Variants in GFOD2 observed in about 807,000 individuals in gnomAD.
GFOD2 encodes the protein glucose-fructose oxidoreductase domain-containing protein 2.
In GFOD2, 9 loss-of-function variants were observed where a neutral mutation model predicts 24.6. That is an observed-to-expected ratio of 0.37 (90% CI 0.22 to 0.64). The LOEUF is 0.64. Among genes scored for constraint, GFOD2 ranks in the 30% least tolerant of loss-of-function variants. The probability of loss-of-function intolerance (pLI) is 0.65; values close to 1 mark genes in which losing one functional copy is unlikely to be tolerated. For synonymous variants in GFOD2, 211 were observed against 224.8 expected (o/e 0.94, Z 0.55); for missense variants, 476 against 532.5 (o/e 0.89, Z 1.04).
chr16:67,713,708 T>C (rs573163090), intron 1 of GFOD2, among the ~76,000 whole-genome samples: 4 of 152,198 alleles, frequency 2.6e-5, no homozygotes, highest in Admixed American at 2.6e-4. Context: ...GGAGCTTTCA[T>C]GCCCTCCCTG....
chr16:67,692,356 C>T (rs991007485), intron 1 of GFOD2, among the ~76,000 whole-genome samples: 6 of 151,744 alleles, frequency 4.0e-5, no homozygotes, highest in Non-Finnish European at 7.4e-5. Flanking sequence ...CAGAGGTGGG[C>T]GGATCACCTG....
rs368691391 is a variant in GFOD2 at position 67,700,430 on chromosome 16, G to A, written c.-87-14628C>T. Among the ~76,000 whole-genome samples, 92 of 151,704 alleles carry A rather than the reference G, an allele frequency of 6.1e-4. 1 individual carries two copies. The highest frequency in any genetic ancestry group is 2.7e-3 in the Admixed American group (41 of 15,186). On this transcript the variant is annotated intron_variant, in intron 1 of 2. Coordinates refer to ENST00000268797, the MANE Select transcript of GFOD2 (RefSeq NM_030819.4). ...ATAAAATCAATTACTATAACTTACC[G>A]TATCAGTAGTCATTAGACAGCATTA...
At chr16:67,714,499 G>A (rs904636552) in intron 1 of GFOD2, among the ~76,000 whole-genome samples, 3 of 148,472 alleles carry the variant, frequency 2.0e-5, no homozygotes, top group African/African-American at 7.4e-5. Flanking sequence ...AAAAAATTAC[G>A]ATCCAGAAAT....
chr16:67,686,144 G>A (rs543301041), intron 1 of GFOD2, among the ~76,000 whole-genome samples: 1 of 152,166 alleles, frequency 6.6e-6, no homozygotes, highest in Admixed American at 6.5e-5. Flanking sequence ...AGCCAGATGT[G>A]GTGGCATGCG....
At chr16:67,688,870 G>A (rs561158156) in intron 1 of GFOD2, among the ~76,000 whole-genome samples, 1 of 151,094 alleles carries the variant, frequency 6.6e-6, no homozygotes, top group Non-Finnish European at 1.5e-5. Context: ...AAGTAGCTGG[G>A]ACTACAGACG....
At chr16:67,683,327 A>G in intron 2 of GFOD2, 2 of 1,217,488 alleles carry the variant, frequency 1.6e-6, no homozygotes, top group Non-Finnish European at 2.0e-6. Context: ...GAACCCTAAA[A>G]TTCAGGAAGA....
chr16:67,686,379 A>G (rs549676382), intron 1 of GFOD2, among the ~76,000 whole-genome samples: 2 of 152,266 alleles, frequency 1.3e-5, no homozygotes, highest in East Asian at 3.9e-4. Flanking sequence ...AAAATGAATA[A>G]AGTTGAGTTT....
chr16:67,718,086 A>T (rs769183896), intron 1 of GFOD2, among the ~76,000 whole-genome samples: 14 of 152,240 alleles, frequency 9.2e-5, no homozygotes, highest in Non-Finnish European at 1.5e-4. Context: ...TTCCTTATCA[A>T]GAATGAATCT....
At chr16:67,681,848 T>C in intron 2 of GFOD2, 1 of 985,264 alleles carries the variant, frequency 1.0e-6, no homozygotes, top group Non-Finnish European at 1.2e-6. Context: ...CCTGAGTTTA[T>C]CTAGCTCTCC....
intron 2 of GFOD2, among the ~76,000 whole-genome samples, chr16:67,678,863 T>C (rs1300443851): frequency 6.6e-6 from 1 of 152,008 alleles, no homozygotes; most frequent in East Asian, 1.9e-4. Flanking sequence ...AAAAAGCCCA[T>C]TGTGACTTGG....
intron 1 of GFOD2, among the ~76,000 whole-genome samples, chr16:67,701,466 C>T (rs1011417295): frequency 9.2e-5 from 14 of 152,152 alleles, no homozygotes; most frequent in African/African-American, 3.4e-4. Flanking sequence ...GAACAAATCT[C>T]AAATGCATTC....
rs1437109916 is a variant in GFOD2 at position 67,685,480 on chromosome 16, C to T, written c.236G>A (p.Arg79Gln). ...VCISIPPPLT[R>Q]QISVKALGIG... ...ACCTAGAGCCTTCACGGATATCTGCCGGGTGAGTGGAGGGGGGATGCTGAT... is the reference window on the plus strand; with the variant it reads ...ACCTAGAGCCTTCACGGATATCTGCTGGGTGAGTGGAGGGGGGATGCTGAT... The change falls in exon 2 of 3, where the codon CGG becomes CAG. Residue 79 changes from arginine to glutamine, a missense_variant. By Grantham distance (43) the Arg-to-Gln change is conservative (BLOSUM62 1). Transcript: ENST00000268797. The T allele has an allele frequency of 7.4e-6, 12 of 1,614,026 alleles. No homozygotes were observed. Among genetic ancestry groups the T allele is most frequent in the Admixed American group, 5.0e-5 (3 of 59,986 alleles).
At chr16:67,710,932 T>A (rs573390699) in intron 1 of GFOD2, among the ~76,000 whole-genome samples, 1 of 152,194 alleles carries the variant, frequency 6.6e-6, no homozygotes, top group African/African-American at 2.4e-5. Flanking sequence ...AAAGTCTTCA[T>A]CACCATGAAA....
intron 2 of GFOD2, among the ~76,000 whole-genome samples, chr16:67,678,515 C>T (rs1043193265): frequency 5.9e-5 from 9 of 151,860 alleles, no homozygotes; most frequent in Non-Finnish European, 8.8e-5. Context: ...AAGAAATGGC[C>T]GATGTCCCAC....
intron 1 of GFOD2, among the ~76,000 whole-genome samples, chr16:67,708,060 T>A (rs1166101687): frequency 6.6e-6 from 1 of 152,158 alleles, no homozygotes; most frequent in Non-Finnish European, 1.5e-5. Flanking sequence ...GATGGAAATG[T>A]TCTGTATCTT....
At chr16:67,691,737 A>T (rs1335064615) in intron 1 of GFOD2, among the ~76,000 whole-genome samples, 1 of 152,104 alleles carries the variant, frequency 6.6e-6, no homozygotes, top group African/African-American at 2.4e-5. Context: ...CAGGCCCACA[A>T]ACACAGCAGG....
At chr16:67,697,632 T>G (rs542684829) in intron 1 of GFOD2, among the ~76,000 whole-genome samples, 1 of 152,282 alleles carries the variant, frequency 6.6e-6, no homozygotes, top group Non-Finnish European at 1.5e-5. Flanking sequence ...TCTCTGAGCC[T>G]CTATAAAAAC....
At chr16:67,697,488 T>C (rs2053367123) in intron 1 of GFOD2, among the ~76,000 whole-genome samples, 1 of 152,214 alleles carries the variant, frequency 6.6e-6, no homozygotes, top group South Asian at 2.1e-4. Context: ...AGTCTGTCCC[T>C]TGTTCCATGC....
intron 1 of GFOD2, among the ~76,000 whole-genome samples, chr16:67,695,198 T>A (rs1003233029): frequency 6.6e-6 from 1 of 152,038 alleles, no homozygotes; most frequent in Non-Finnish European, 1.5e-5. Flanking sequence ...GGTTTTACCA[T>A]GTTGGCCAGG....
Sources: allele counts gnomAD v4.1 joint callset (sites outside exome capture counted in the v4.1 genomes callset), GRCh38; gene constraint gnomAD v4.1.1; transcripts MANE v1.5; gene names NCBI Gene and HGNC (gene_info 2026-07-23, HGNC 2026-07-21).